GTF2A1L: variants seen among roughly 807,000 people sequenced by gnomAD.
The protein encoded by GTF2A1L is TFIIA-alpha and beta-like factor.
Under a neutral mutation model 49.7 loss-of-function variants are expected in GTF2A1L, and 48 were observed. The ratio of observed to expected loss-of-function variants is 0.97; its 90% confidence interval spans 0.77 to 1.23. The LOEUF is 1.23. Ranked by LOEUF, GTF2A1L falls within the 50% of genes most tolerant of loss-of-function variation. The pLI is 0.00. For missense variants in GTF2A1L, 736 were observed against 564.8 expected (o/e 1.30, Z -3.07); for synonymous variants, 246 against 193.5 (o/e 1.27, Z -2.25).
rs1366832844 is a variant in GTF2A1L at position 48,665,165 on chromosome 2, G to A, written c.979-4557G>A. ...TCCAACTCTTGGCCTCAAGTGATCC[G>A]CCTGCCTTGGCCTCCTAAAGTGCTG... On this transcript the variant is annotated intron_variant, in intron 6 of 8. Coordinates refer to ENST00000403751, the MANE Select transcript of GTF2A1L (RefSeq NM_006872.5). Among the ~76,000 whole-genome samples, 9 of 151,970 alleles carry A rather than the reference G, an allele frequency of 5.9e-5. No homozygotes were observed. In the South Asian group the frequency reaches 6.2e-4, roughly 11 times the overall value.
intron 4 of GTF2A1L, among the ~76,000 whole-genome samples, chr2:48,644,567 CA>C (rs1423696989): frequency 6.6e-6 from 1 of 152,054 alleles, no homozygotes; most frequent in Non-Finnish European, 1.5e-5. Context: ...GTTCATGGGT[CA>C]AAGGTCATTT....
At chr2:48,635,424 C>G (rs1406470211) in intron 3 of GTF2A1L, among the ~76,000 whole-genome samples, 1 of 151,944 alleles carries the variant, frequency 6.6e-6, no homozygotes, top group Admixed American at 6.6e-5. Context: ...GCCCTGAATG[C>G]CTGGATTTCT....
chr2:48,631,400 G>A (rs1676562916), intron 3 of GTF2A1L, among the ~76,000 whole-genome samples: 1 of 152,098 alleles, frequency 6.6e-6, no homozygotes, highest in Non-Finnish European at 1.5e-5. Context: ...AGATTTTCTA[G>A]TTTGTGTATG....
In GTF2A1L at chr2:48,670,786, G is replaced by T. The variant is rs116089635; in HGVS notation, c.1239+804G>T. On this transcript the variant is annotated intron_variant, in intron 7 of 8. Coordinates refer to ENST00000403751, the MANE Select transcript of GTF2A1L (RefSeq NM_006872.5). The stretch of plus-strand genomic sequence containing the variant: ...TGGAGAGTTTTAGTAACTTGCCTAA[G>T]GTCAGTCTTGTAATTATTAAATGGC... Among the ~76,000 whole-genome samples the T allele has an allele frequency of 3.0e-3, 461 of 151,958 alleles. 2 individuals carry two copies. Among genetic ancestry groups the T allele is most frequent in the African/African-American group, 0.011 (438 of 41,410 alleles).
intron 3 of GTF2A1L, chr2:48,632,211 T>C (rs945573447): frequency 2.0e-5 from 3 of 152,188 alleles, no homozygotes; most frequent in Non-Finnish European, 4.4e-5. Context: ...AGTAATTCCC[T>C]CTATAGAAGT....
At chr2:48,674,325 G>T (rs755810491) in intron 8 of GTF2A1L, among the ~76,000 whole-genome samples, 37 of 151,806 alleles carry the variant, frequency 2.4e-4, no homozygotes, top group Non-Finnish European at 4.7e-4. Context: ...TATCATTGCG[G>T]TTTTGATTTG....
At chr2:48,647,641 T>C (rs1677601380) in intron 6 of GTF2A1L, among the ~76,000 whole-genome samples, 2 of 149,852 alleles carry the variant, frequency 1.3e-5, no homozygotes, top group South Asian at 4.1e-4. Context: ...AACTTTTCCC[T>C]ACATGAGGGA....
intron 7 of GTF2A1L, among the ~76,000 whole-genome samples, chr2:48,670,485 A>G (rs531532087): frequency 5.9e-5 from 9 of 152,208 alleles, no homozygotes; most frequent in Middle Eastern, 3.2e-3. Context: ...TATTGGTCTT[A>G]ACTAGAGGTA....
chr2:48,644,947 A>G (rs1677413934), intron 4 of GTF2A1L, 86 bp from the exon 5 acceptor site: 1 of 1,218,806 alleles, frequency 8.2e-7, no homozygotes, highest in Non-Finnish European at 1.1e-6. Context: ...CCAGAATCAG[A>G]TTTTTTGACT....
chr2:48,622,162 G>A (rs1676037472), intron 3 of GTF2A1L, among the ~76,000 whole-genome samples: 1 of 152,070 alleles, frequency 6.6e-6, no homozygotes, highest in Non-Finnish European at 1.5e-5. Flanking sequence ...CCAAGGTGAA[G>A]AGAACATTGT....
intron 3 of GTF2A1L, among the ~76,000 whole-genome samples, chr2:48,635,165 A>G (rs1676818965): frequency 6.6e-6 from 1 of 151,540 alleles, no homozygotes. Context: ...GGGATGACTC[A>G]GGCTAGTGGA....
At chr2:48,639,260 A>G (rs1677073441) in intron 3 of GTF2A1L, among the ~76,000 whole-genome samples, 1 of 152,194 alleles carries the variant, frequency 6.6e-6, no homozygotes, top group South Asian at 2.1e-4. Flanking sequence ...CTAAACAAAA[A>G]GGACAAAGCT....
chr2:48,637,080 G>T (rs35372579), intron 3 of GTF2A1L, among the ~76,000 whole-genome samples: 20,292 of 152,172 alleles, frequency 0.13, 1,629 homozygotes, highest in African/African-American at 0.23. Flanking sequence ...TTTCAGCAAT[G>T]TGGTTGGTTC....
Position 48,669,920 on chromosome 2 carries a change from A to C in GTF2A1L, c.1177A>C (p.Asn393His). 6.2e-7 allele frequency: 1 copy of C among 1,614,110 alleles called. No homozygotes were observed. The highest frequency in any genetic ancestry group is 8.5e-7 in the Non-Finnish European group (1 of 1,180,014). ...TGAAGAAGAAGCTGACAGTATTTCAAATGAGGATTCAGCCACAAACAGTAG... is the reference window on the plus strand; with the variant it reads ...TGAAGAAGAAGCTGACAGTATTTCACATGAGGATTCAGCCACAAACAGTAG... ...VPEEEADSIS[N>H]EDSATNSSDN... Residue 393 changes from asparagine (N) to histidine (H), a missense_variant, in exon 7 of 9, where the codon AAT becomes CAT. Asn to His is a moderately conservative substitution (Grantham distance 68). Coordinates refer to ENST00000403751, the MANE Select transcript of GTF2A1L (RefSeq NM_006872.5).
intron 3 of GTF2A1L, among the ~76,000 whole-genome samples, chr2:48,636,769 G>C (rs1209448064): frequency 6.6e-6 from 1 of 152,046 alleles, no homozygotes; most frequent in East Asian, 1.9e-4. Context: ...AGACAAATGG[G>C]GTTCTATTAA....
intron 7 of GTF2A1L, 96 bp from the exon 8 acceptor site, chr2:48,671,495 C>G: frequency 7.7e-7 from 1 of 1,304,870 alleles, no homozygotes; most frequent in Non-Finnish European, 1.0e-6. Context: ...TGAGCCACCA[C>G]GCCGAGACAA....
intron 3 of GTF2A1L, among the ~76,000 whole-genome samples, chr2:48,640,870 GTTA>G (rs924168875): frequency 3.0e-4 from 46 of 151,032 alleles, no homozygotes; most frequent in African/African-American, 1.0e-3. Context: ...ATAAAAATAA[GTTA>G]TTATTTTTAT....
In GTF2A1L at chr2:48,628,708, T is replaced by C. The variant is rs1179271218; in HGVS notation, c.247+7418T>C. 2.1e-5 allele frequency among the ~76,000 whole-genome samples: 3 copies of C among 144,258 alleles called. 1 individual carries two copies. The highest frequency in any genetic ancestry group is 3.9e-4 in the East Asian group (2 of 5,152). The allele number at this position is 144,258 out of a possible 152,430, so 94.6% of individuals were successfully genotyped here. On this transcript the variant is annotated intron_variant, in intron 3 of 8. Transcript: ENST00000403751. ...GTAGCTTCTTTTGCTGTGCAGAAGC[T>C]CTATAGTTTAATTAGGTCTCACTTG...
chr2:48,642,343 G>A (rs988655577), intron 3 of GTF2A1L, 59 bp from the exon 4 acceptor site: 1 of 1,428,948 alleles, frequency 7.0e-7, no homozygotes, highest in Non-Finnish European at 9.5e-7. Context: ...GCTATATTTA[G>A]TGATTTTATT....
Sources: gnomAD v4.1 joint callset for allele counts (sites outside exome capture counted in the v4.1 genomes callset) on GRCh38, gnomAD v4.1.1 for gene constraint, MANE v1.5 for transcripts, NCBI Gene and HGNC (gene_info 2026-07-23, HGNC 2026-07-21) for gene names.